PRR16: variants seen among roughly 807,000 people sequenced by gnomAD.
The protein encoded by PRR16 is proline rich 16.
In PRR16, 6 loss-of-function variants were observed where a neutral mutation model predicts 18.2. The observed-to-expected ratio is 0.33, with a 90% CI of 0.18 to 0.65. The LOEUF (loss-of-function observed/expected upper bound fraction) is 0.65, where lower values mean the gene tolerates loss of function less well. Among genes scored for constraint, PRR16 ranks in the 30% least tolerant of loss-of-function variants. PRR16 has a pLI of 0.74. For synonymous variants in PRR16, 151 were observed against 147.8 expected, an observed-to-expected ratio of 1.02 and a Z score of -0.16; for missense variants, 412 against 376.6, an observed-to-expected ratio of 1.09 and a Z score of -0.78.
chr5:120,648,318 A>G (rs199860406), intron 1 of PRR16, among the ~76,000 whole-genome samples: 28 of 152,246 alleles, frequency 1.8e-4, no homozygotes, highest in African/African-American at 6.7e-4. Flanking sequence ...TTCACTGTTC[A>G]TAACTCTGTA....
At chr5:120,518,112 C>G (rs1751056519) in intron 1 of PRR16, among the ~76,000 whole-genome samples, 1 of 152,088 alleles carries the variant, frequency 6.6e-6, no homozygotes, top group South Asian at 2.1e-4. Context: ...GACTTACCCT[C>G]TTTTTACGTC....
chr5:120,561,389 G>A (rs950514946), intron 1 of PRR16, among the ~76,000 whole-genome samples: 1 of 152,040 alleles, frequency 6.6e-6, no homozygotes, highest in Non-Finnish European at 1.5e-5. Context: ...TCATTCATGA[G>A]TGTATTGTTT....
chr5:120,740,195 T>C, the PRR16 span, among the ~76,000 whole-genome samples: 1 of 152,188 alleles, frequency 6.6e-6, no homozygotes, highest in Non-Finnish European at 1.5e-5. Flanking sequence ...GCAGAAATGG[T>C]GCCCTGGTTC....
At chr5:120,586,997 C>G (rs1019510851) in intron 1 of PRR16, among the ~76,000 whole-genome samples, 51 of 152,196 alleles carry the variant, frequency 3.4e-4, no homozygotes, top group Non-Finnish European at 5.9e-5. Context: ...GGTGAACACA[C>G]AAATGATAAG....
chr5:120,582,873 TAATA>T (rs1469227349), intron 1 of PRR16, among the ~76,000 whole-genome samples: 8 of 152,364 alleles, frequency 5.3e-5, no homozygotes, highest in African/African-American at 1.9e-4. Context: ...TATTGGTGCA[TAATA>T]AATCATTCTA....
At chr5:120,628,626 A>G (rs1055973676) in intron 1 of PRR16, among the ~76,000 whole-genome samples, 51 of 151,730 alleles carry the variant, frequency 3.4e-4, no homozygotes, top group African/African-American at 1.2e-3. Context: ...GAAATTTTCT[A>G]CTCATCTCTC....
chr5:120,548,082 A>G (rs1009548485), intron 1 of PRR16, among the ~76,000 whole-genome samples: 3 of 152,102 alleles, frequency 2.0e-5, no homozygotes, highest in African/African-American at 7.2e-5. Context: ...GGACAGTAGA[A>G]AGTGTTTTTC....
intron 1 of PRR16, among the ~76,000 whole-genome samples, chr5:120,504,858 C>A (rs554066655): frequency 6.6e-6 from 1 of 152,090 alleles, no homozygotes; most frequent in Admixed American, 6.6e-5. Context: ...CCAATAAATC[C>A]CCCAAGGCCC....
At chr5:120,741,431 A>G in the PRR16 span, among the ~76,000 whole-genome samples, 2 of 152,136 alleles carry the variant, frequency 1.3e-5, no homozygotes, top group Non-Finnish European at 2.9e-5. Flanking sequence ...GTTTTATTTC[A>G]TCTTTTTTCA....
the PRR16 span, among the ~76,000 whole-genome samples, chr5:120,760,926 T>A: frequency 6.6e-5 from 10 of 152,106 alleles, no homozygotes; most frequent in Non-Finnish European, 1.5e-5. Flanking sequence ...TCTATTTGTA[T>A]CCTGAGATTA....
At chr5:120,664,581 A>G (rs1248371588) in intron 1 of PRR16, among the ~76,000 whole-genome samples, 3 of 151,800 alleles carry the variant, frequency 2.0e-5, no homozygotes, top group Non-Finnish European at 2.9e-5. Context: ...AGCATTAGGT[A>G]TATCTCCTAA....
chr5:120,733,838 G>A, the PRR16 span, among the ~76,000 whole-genome samples: 704 of 151,906 alleles, frequency 4.6e-3, 2 homozygotes, highest in Non-Finnish European at 6.2e-3. Context: ...CCCTTGGTTT[G>A]AAAAAACAAA....
downstream of PRR16, among the ~76,000 whole-genome samples, chr5:120,691,470 C>T (rs1055740697): frequency 6.6e-6 from 1 of 152,006 alleles, no homozygotes; most frequent in Non-Finnish European, 1.5e-5. Context: ...TTTTTTTTCT[C>T]TAAGTTCAAA....
At chr5:120,575,044 T>C (rs992600159) in intron 1 of PRR16, among the ~76,000 whole-genome samples, 2 of 137,542 alleles carry the variant, frequency 1.5e-5, no homozygotes, top group African/African-American at 7.2e-5. Flanking sequence ...ACTTTTATTA[T>C]AGTGTTGTAG....
the PRR16 span, among the ~76,000 whole-genome samples, chr5:120,794,526 C>T: frequency 6.6e-6 from 1 of 152,004 alleles, no homozygotes; most frequent in Non-Finnish European, 1.5e-5. Flanking sequence ...TTTTTGGGTG[C>T]CAAGGATGAC....
chr5:120,464,703 C>T, intron 1 of PRR16, 58 bp downstream of exon 1: 9 of 1,436,978 alleles, frequency 6.3e-6, no homozygotes, highest in Non-Finnish European at 8.3e-6. Context: ...CCGGGGTCCC[C>T]TTTCCGATTT....
At chr5:120,528,413 T>C (rs909993045) in intron 1 of PRR16, among the ~76,000 whole-genome samples, 1 of 152,172 alleles carries the variant, frequency 6.6e-6, no homozygotes, top group African/African-American at 2.4e-5. Flanking sequence ...GGACTCAAGA[T>C]ACTGACCAAC....
the PRR16 span, among the ~76,000 whole-genome samples, chr5:120,736,986 G>C: frequency 6.6e-6 from 1 of 152,132 alleles, no homozygotes; most frequent in Admixed American, 6.6e-5. Flanking sequence ...ATGTATTTGT[G>C]TGTGTGTGAG....
At chr5:120,725,026 TAGAG>T in the PRR16 span, among the ~76,000 whole-genome samples, 7 of 152,000 alleles carry the variant, frequency 4.6e-5, no homozygotes, top group African/African-American at 1.2e-4. Flanking sequence ...AAAAGATTAT[TAGAG>T]AGAAGATAAT....
Sources: allele counts gnomAD v4.1 joint callset (sites outside exome capture counted in the v4.1 genomes callset), GRCh38; gene constraint gnomAD v4.1.1; transcripts MANE v1.5; gene names NCBI Gene and HGNC (gene_info 2026-07-23, HGNC 2026-07-21).